Variants in CELF2 observed in about 807,000 individuals in gnomAD.
CELF2 encodes the protein CUGBP Elav-like family member 2.
A neutral mutation model predicts 62.6 loss-of-function variants in CELF2; 8 were observed. The ratio of observed to expected loss-of-function variants is 0.13; its 90% confidence interval spans 0.07 to 0.23. The LOEUF is 0.23. CELF2 is among the 10% of genes least tolerant of loss of function. The pLI, the probability that CELF2 is intolerant of heterozygous loss-of-function variation, is 1.00. For missense variants in CELF2, 333 were observed against 671.0 expected (o/e 0.50, Z 5.56); for synonymous variants, 258 against 250.0 (o/e 1.03, Z -0.30).
chr10:10,857,870 G>C (rs61832100), intron 1 of CELF2, among the ~76,000 whole-genome samples: 4,314 of 151,344 alleles, frequency 0.029, 82 homozygotes, highest in Non-Finnish European at 0.044. Context: ...AACACACAAT[G>C]AAGTAACAGA....
the CELF2 span, among the ~76,000 whole-genome samples, chr10:10,554,929 T>C: frequency 2.0e-5 from 3 of 152,100 alleles, no homozygotes; most frequent in Admixed American, 6.6e-5. Context: ...ACATAGAACA[T>C]GGTTTTTCCT....
intron 9 of CELF2, among the ~76,000 whole-genome samples, chr10:11,307,535 C>T (rs1376903378): frequency 6.6e-6 from 1 of 152,180 alleles, no homozygotes; most frequent in Non-Finnish European, 1.5e-5. Context: ...TGATGATGAT[C>T]TAAAAATGGT....
At chr10:11,160,400 T>G (rs553270617) in intron 1 of CELF2, among the ~76,000 whole-genome samples, 1 of 152,136 alleles carries the variant, frequency 6.6e-6, no homozygotes, top group South Asian at 2.1e-4. Flanking sequence ...TTCTTGTGTT[T>G]CCAAAACAAA....
Position 11,299,969 on chromosome 10 carries a change from G to A in CELF2, c.976+11417G>A, listed in dbSNP as rs549995316. ...TTTTTCCCTCTCATTTGCCCCGCTC[G>A]TAGGAGATCCCTGTGTACTGCCTGT... On this transcript the variant is annotated intron_variant, in intron 9 of 12. Transcript: ENST00000633077. Among the ~76,000 whole-genome samples the A allele has an allele frequency of 1.8e-4, 27 of 152,298 alleles. 2 individuals carry two copies. The highest frequency in any genetic ancestry group is 5.3e-4 in the African/African-American group (22 of 41,556).
chr10:11,301,920 T>C (rs2093796184), intron 9 of CELF2, among the ~76,000 whole-genome samples: 1 of 152,078 alleles, frequency 6.6e-6, no homozygotes, highest in Non-Finnish European at 1.5e-5. Context: ...GTGGGCCTCA[T>C]GTGGAGAGAG....
At chr10:11,097,483 A>G (rs1159596617) in intron 1 of CELF2, 1 of 152,168 alleles carries the variant, frequency 6.6e-6, no homozygotes, top group African/African-American at 2.4e-5. Context: ...AAAATACCCA[A>G]TGATAGGACC....
the CELF2 span, among the ~76,000 whole-genome samples, chr10:10,754,767 C>G: frequency 2.3e-4 from 35 of 152,280 alleles, no homozygotes; most frequent in Middle Eastern, 3.4e-3. Context: ...GATTTGAATT[C>G]TACGTGTTCT....
At chr10:11,264,354 ACATGTTTCTTACG>A (rs2081571385) in intron 5 of CELF2, among the ~76,000 whole-genome samples, 1 of 152,234 alleles carries the variant, frequency 6.6e-6, no homozygotes, top group Non-Finnish European at 1.5e-5. Flanking sequence ...TTGACATTTT[ACATGTTTCTTACG>A]CATTTTTACC....
chr10:11,288,466 C>G lies in CELF2; in HGVS notation c.890C>G (p.Ala297Gly). 6.2e-7 allele frequency: 1 copy of G among 1,613,984 alleles called. No homozygotes were observed. Among genetic ancestry groups the G allele is most frequent in the Non-Finnish European group, 8.5e-7 (1 of 1,180,030 alleles). Residue 297 changes from alanine to glycine, a missense_variant, in exon 9 of 13, where the codon GCA becomes GGA. Ala to Gly is a moderately conservative substitution (Grantham distance 60, BLOSUM62 0). Around this residue, in one of 3 missense-constraint regions of CELF2, gnomAD observed 253 missense variants for 503.0 expected, o/e 0.50. Transcript: ENST00000633077. The stretch of plus-strand genomic sequence containing the variant: ...AACCTGGCGACGCTGGCTGCTGCTG[C>G]AGCTGCGGCCCAGACCTCAGCCACC... Reference protein sequence around the residue: ...LQNLATLAAAAAAAQTSATST... With the variant: ...LQNLATLAAAGAAAQTSATST...
the CELF2 span, among the ~76,000 whole-genome samples, chr10:10,585,059 G>A: frequency 6.6e-6 from 1 of 152,134 alleles, no homozygotes; most frequent in African/African-American, 2.4e-5. Context: ...GATCTTGGAG[G>A]TCATCTAGTA....
At chr10:10,567,699 A>G in the CELF2 span, among the ~76,000 whole-genome samples, 1 of 151,968 alleles carries the variant, frequency 6.6e-6, no homozygotes, top group African/African-American at 2.4e-5. Context: ...GCAACCCCCT[A>G]CCCTGATCTT....
chr10:10,716,797 C>T, the CELF2 span, among the ~76,000 whole-genome samples: 1 of 152,182 alleles, frequency 6.6e-6, no homozygotes, highest in African/African-American at 2.4e-5. Context: ...GCTGTTGGAA[C>T]ATTCCAACAC....
At chr10:10,908,745 C>T (rs1369841967) in intron 1 of CELF2, among the ~76,000 whole-genome samples, 2 of 152,152 alleles carry the variant, frequency 1.3e-5, no homozygotes, top group East Asian at 3.8e-4. Flanking sequence ...GAGCTTCCAA[C>T]CTTGTAGCCA....
At chr10:11,273,968 A>ACCAC (rs2084940329) in intron 7 of CELF2, among the ~76,000 whole-genome samples, 1 of 96,470 alleles carries the variant, frequency 1.0e-5, no homozygotes, top group Non-Finnish European at 2.1e-5. Flanking sequence ...AGTGATCCCC[A>ACCAC]CCCCCCCCCC....
the CELF2 span, among the ~76,000 whole-genome samples, chr10:10,611,631 C>T: frequency 6.6e-6 from 1 of 152,202 alleles, no homozygotes; most frequent in Non-Finnish European, 1.5e-5. Flanking sequence ...TCAATGTCAT[C>T]TCTGTCCTTG....
At chr10:10,912,359 C>T (rs1028234787) in intron 1 of CELF2, among the ~76,000 whole-genome samples, 2 of 152,136 alleles carry the variant, frequency 1.3e-5, no homozygotes, top group Non-Finnish European at 2.9e-5. Context: ...CTATCTCCCA[C>T]TTCTAGAATG....
chr10:11,093,652 T>C (rs1308249590), intron 1 of CELF2, among the ~76,000 whole-genome samples: 1 of 152,168 alleles, frequency 6.6e-6, no homozygotes, highest in Non-Finnish European at 1.5e-5. Flanking sequence ...AACTATAAAA[T>C]AGTTCAGCAA....
At chr10:10,868,491 A>G (rs1452450042) in intron 1 of CELF2, among the ~76,000 whole-genome samples, 1 of 152,254 alleles carries the variant, frequency 6.6e-6, no homozygotes, top group African/African-American at 2.4e-5. Context: ...CATGTCTGCT[A>G]TATTCTATTG....
intron 1 of CELF2, among the ~76,000 whole-genome samples, chr10:10,881,957 T>C (rs2061464931): frequency 6.6e-6 from 1 of 152,252 alleles, no homozygotes; most frequent in Non-Finnish European, 1.5e-5. Flanking sequence ...ACACCTTTTG[T>C]ATGTAGTATT....
Sources: allele counts gnomAD v4.1 joint callset (sites outside exome capture counted in the v4.1 genomes callset), GRCh38; gene constraint gnomAD v4.1.1; regional missense constraint gnomAD v4.1.1; transcripts MANE v1.5; gene names NCBI Gene and HGNC (gene_info 2026-07-23, HGNC 2026-07-21).